Variants in PREX1 observed in about 807,000 individuals in gnomAD.
PREX1 encodes phosphatidylinositol-3,4,5-trisphosphate dependent Rac exchange factor 1.
Under a neutral mutation model 198.3 loss-of-function variants are expected in PREX1, and 41 were observed. The observed-to-expected ratio is 0.21, with a 90% confidence interval of 0.16 to 0.27. The LOEUF (loss-of-function observed/expected upper bound fraction) is 0.27, where lower values mean the gene tolerates loss of function less well. Ranked by LOEUF, PREX1 falls within the 10% of genes least tolerant of loss-of-function variation. The pLI is 1.00. For missense variants in PREX1, 1,620 were observed against 2,200.7 expected, an observed-to-expected ratio of 0.74 and a Z score of 5.28; for synonymous variants, 843 against 887.2, an observed-to-expected ratio of 0.95 and a Z score of 0.89.
At chr20:48,751,266 GA>G (rs2090132887) in intron 1 of PREX1, among the ~76,000 whole-genome samples, 1 of 152,192 alleles carries the variant, frequency 6.6e-6, no homozygotes, top group Non-Finnish European at 1.5e-5. Flanking sequence ...ATACTGACAG[GA>G]AGTCAAGCTC....
At chr20:48,752,198 C>A (rs1484503732) in intron 1 of PREX1, among the ~76,000 whole-genome samples, 2 of 152,232 alleles carry the variant, frequency 1.3e-5, no homozygotes, top group Non-Finnish European at 2.9e-5. Flanking sequence ...AGGTGAGCCA[C>A]TGGGCACCTT....
intron 21 of PREX1, 31 bp from the exon 22 acceptor site, chr20:48,651,614 G>A (rs1412695507): frequency 1.3e-6 from 2 of 1,591,914 alleles, no homozygotes; most frequent in Non-Finnish European, 1.7e-6. Context: ...CATCTGAGCA[G>A]AGATCAGAGG....
At chr20:48,682,783 A>C (rs936737764) in intron 10 of PREX1, among the ~76,000 whole-genome samples, 6 of 152,132 alleles carry the variant, frequency 3.9e-5, no homozygotes, top group African/African-American at 1.2e-4. Context: ...GAAAAGGGAG[A>C]GCCTGGAATG....
At position 48,627,923 on chromosome 20, in the gene PREX1, C is replaced by T. The variant is rs2089285635; in HGVS notation, c.4807G>A (p.Ala1603Thr). 5 of 1,612,558 alleles carry T rather than the reference C, an allele frequency of 3.1e-6. No homozygotes were observed. The highest frequency in any genetic ancestry group is 3.4e-6 in the Non-Finnish European group (4 of 1,179,894). ...TTGGGCAGCAACCCGTGGCTCCGTG[C>T]CAAGATGGCCGCCTGCTCCAGGGAC... Reference protein sequence around the residue: ...SVSLEQAAILARSHGLLPKCI... With the variant: ...SVSLEQAAILTRSHGLLPKCI... The change falls in exon 38 of 40, where the codon GCA (alanine) becomes ACA (threonine). Residue 1603 changes from alanine (A) to threonine (T), a missense_variant. By Grantham distance (58) the Ala-to-Thr change is moderately conservative (BLOSUM62 0). This residue lies in a region of PREX1 where 476 missense variants were observed against 603.4 expected (regional missense o/e 0.79). Coordinates refer to ENST00000371941, the MANE Select transcript of PREX1 (RefSeq NM_020820.4).
intron 3 of PREX1, among the ~76,000 whole-genome samples, chr20:48,736,893 C>A (rs2090059327): frequency 1.3e-5 from 2 of 152,124 alleles, no homozygotes; most frequent in Admixed American, 6.5e-5. Context: ...AGGAGAAGTT[C>A]TGCAGCCAGA....
chr20:48,770,620 G>A (rs1455696897), intron 1 of PREX1, among the ~76,000 whole-genome samples: 3 of 152,166 alleles, frequency 2.0e-5, no homozygotes, highest in Admixed American at 6.5e-5. Context: ...AGAGGCAGGA[G>A]AATCACTTAA....
At chr20:48,647,706 G>A (rs1425020839) in intron 25 of PREX1, among the ~76,000 whole-genome samples, 3 of 152,128 alleles carry the variant, frequency 2.0e-5, no homozygotes, top group Admixed American at 2.0e-4. Context: ...CAGTGGATAA[G>A]TAGCAGGGCC....
At chr20:48,837,682 GA>G in the PREX1 span, among the ~76,000 whole-genome samples, 2 of 152,174 alleles carry the variant, frequency 1.3e-5, no homozygotes, top group African/African-American at 4.8e-5. Context: ...TGAAGATTGG[GA>G]GGAGGGAGAG....
intron 1 of PREX1, among the ~76,000 whole-genome samples, chr20:48,823,470 G>A (rs1479416658): frequency 6.6e-6 from 1 of 152,186 alleles, no homozygotes; most frequent in Non-Finnish European, 1.5e-5. Context: ...TGGAAACTGA[G>A]GCACAGAGCA....
At chr20:48,692,506 C>T in intron 8 of PREX1, 166 bp downstream of exon 8, 4 of 561,626 alleles carry the variant, frequency 7.1e-6, no homozygotes, top group Admixed American at 6.0e-5. Flanking sequence ...AACTTGAATG[C>T]TAACCACCCA....
At chr20:48,766,334 G>A (rs1393120705) in intron 1 of PREX1, among the ~76,000 whole-genome samples, 3 of 152,140 alleles carry the variant, frequency 2.0e-5, no homozygotes, top group South Asian at 4.1e-4. Context: ...CCTGGGTGGA[G>A]TGACACAAAG....
At chr20:48,640,135 G>A (rs1031135494) in intron 29 of PREX1, among the ~76,000 whole-genome samples, 2 of 152,320 alleles carry the variant, frequency 1.3e-5, no homozygotes, top group Admixed American at 6.5e-5. Context: ...CTGAGACCAA[G>A]ACTCCCCACA....
At position 48,632,521 on chromosome 20, in the gene PREX1, C is replaced by T. The variant is rs1456523306; in HGVS notation, c.4386G>A (p.Arg1462=). 6.2e-7 allele frequency: 1 copy of T among 1,613,994 alleles called. No individual in the cohort carries two copies. Among genetic ancestry groups the T allele is most frequent in the East Asian group, 2.2e-5 (1 of 44,864 alleles). ...CTTTCGTGAACAGCGCTGTGTGCAG[C>T]CTCAGGCTGGCCCCACCCTCCAGGC... ...PSRLEGGASL[R]LHTALFTKVL... The change falls in exon 34 of 40, where the codon AGG becomes AGA. Residue 1462 remains arginine (R), a synonymous_variant. Transcript: ENST00000371941.
At chr20:48,763,123 C>T (rs912456085) in intron 1 of PREX1, among the ~76,000 whole-genome samples, 3 of 152,176 alleles carry the variant, frequency 2.0e-5, no homozygotes, top group African/African-American at 7.2e-5. Context: ...TATGGTGGTA[C>T]GTGAATTATA....
the PREX1 span, among the ~76,000 whole-genome samples, chr20:48,867,708 T>A: frequency 1.4e-5 from 1 of 71,196 alleles, no homozygotes; most frequent in Non-Finnish European, 3.2e-5. Context: ...GGCAGGAGAA[T>A]CACTTGAACC....
chr20:48,728,988 A>G (rs2090021618), intron 4 of PREX1, among the ~76,000 whole-genome samples: 1 of 151,888 alleles, frequency 6.6e-6, no homozygotes, highest in South Asian at 2.1e-4. Context: ...GGTCTTCCCA[A>G]CCTCCTAATG....
intron 7 of PREX1, among the ~76,000 whole-genome samples, chr20:48,699,064 AGAG>A (rs1170162441): frequency 1.3e-5 from 2 of 152,192 alleles, no homozygotes; most frequent in Non-Finnish European, 2.9e-5. Context: ...GAGGCCCTCT[AGAG>A]GAGGAGGACA....
intron 39 of PREX1, among the ~76,000 whole-genome samples, chr20:48,626,955 GA>G (rs1336587131): frequency 1.3e-5 from 2 of 152,160 alleles, no homozygotes; most frequent in Non-Finnish European, 2.9e-5. Context: ...GAGGAAGACT[GA>G]AAACCACATG....
intron 32 of PREX1, among the ~76,000 whole-genome samples, chr20:48,635,117 C>G (rs915578540): frequency 6.6e-6 from 1 of 152,214 alleles, no homozygotes; most frequent in Admixed American, 6.5e-5. Context: ...CAACCTCCCC[C>G]AGTCGGTCCC....
Sources: gnomAD v4.1 joint callset for allele counts (sites outside exome capture counted in the v4.1 genomes callset) on GRCh38, gnomAD v4.1.1 for gene constraint, gnomAD v4.1.1 regional missense constraint, MANE v1.5 for transcripts, NCBI Gene and HGNC (gene_info 2026-07-23, HGNC 2026-07-21) for gene names.